Variants in PIWIL2 observed in about 807,000 individuals in gnomAD.
The protein encoded by PIWIL2 is piwi like RNA-mediated gene silencing 2.
A neutral mutation model predicts 116.5 loss-of-function variants in PIWIL2; 81 were observed. The observed-to-expected ratio is 0.70, with a 90% CI of 0.58 to 0.84. The LOEUF (loss-of-function observed/expected upper bound fraction) is 0.84. Among genes scored for constraint, PIWIL2 ranks in the 40% least tolerant of loss-of-function variants. PIWIL2 has a pLI of 0.00. For missense variants in PIWIL2, 1,272 were observed against 1,212.3 expected (o/e 1.05, Z -0.73); for synonymous variants, 489 against 429.5 (o/e 1.14, Z -1.71).
At chr8:22,321,680 C>T (rs576017921) in intron 20 of PIWIL2, among the ~76,000 whole-genome samples, 6 of 152,000 alleles carry the variant, frequency 3.9e-5, no homozygotes, top group African/African-American at 7.3e-5. Context: ...CATGTCAGCC[C>T]GGTTGACAGA....
chr8:22,315,344 C>A (rs948299049), intron 18 of PIWIL2, among the ~76,000 whole-genome samples, 199 bp downstream of exon 18: 1 of 152,132 alleles, frequency 6.6e-6, no homozygotes, highest in Non-Finnish European at 1.5e-5. Flanking sequence ...GAGACGGATT[C>A]TTGTTCTTGT....
intron 16 of PIWIL2, among the ~76,000 whole-genome samples, chr8:22,312,453 G>T (rs1831356621): frequency 6.6e-6 from 1 of 151,906 alleles, no homozygotes; most frequent in Non-Finnish European, 1.5e-5. Flanking sequence ...AATTATAGAG[G>T]TAGGGTTTCA....
At chr8:22,311,358 T>A in intron 16 of PIWIL2, 58 bp downstream of exon 16, 3 of 1,349,628 alleles carry the variant, frequency 2.2e-6, no homozygotes, top group Non-Finnish European at 2.1e-6. Context: ...CTTAAATACT[T>A]AATTTTAATG....
intron 10 of PIWIL2, among the ~76,000 whole-genome samples, chr8:22,296,533 G>A (rs1342978823): frequency 1.3e-5 from 2 of 152,184 alleles, no homozygotes; most frequent in African/African-American, 4.8e-5. Context: ...TAGTTGTCTA[G>A]TTTGATTGGG....
intron 10 of PIWIL2, among the ~76,000 whole-genome samples, chr8:22,303,350 C>G (rs1174321593): frequency 6.6e-6 from 1 of 152,170 alleles, no homozygotes; most frequent in Non-Finnish European, 1.5e-5. Flanking sequence ...TTGCAACTTT[C>G]TATGATTTGA....
At chr8:22,329,293 C>T (rs1398645528) in intron 20 of PIWIL2, among the ~76,000 whole-genome samples, 1 of 152,072 alleles carries the variant, frequency 6.6e-6, no homozygotes, top group Non-Finnish European at 1.5e-5. Flanking sequence ...TAACAAGATA[C>T]CTGAGACTGG....
intron 1 of PIWIL2, 36 bp from the exon 2 acceptor site, chr8:22,279,305 C>T (rs1830445785): frequency 2.6e-6 from 3 of 1,140,422 alleles, no homozygotes; most frequent in Admixed American, 3.5e-5. Context: ...AAAAGGAAAA[C>T]AATTGGGAAT....
intron 20 of PIWIL2, among the ~76,000 whole-genome samples, chr8:22,321,499 G>A (rs746733436): frequency 3.2e-4 from 49 of 152,054 alleles, no homozygotes; most frequent in Non-Finnish European, 4.7e-4. Context: ...GCACCTAGTG[G>A]AAGGAATCTT....
chr8:22,344,562 C>T (rs770506278), intron 20 of PIWIL2, among the ~76,000 whole-genome samples: 12 of 151,634 alleles, frequency 7.9e-5, no homozygotes, highest in African/African-American at 1.9e-4. Flanking sequence ...ATCGTATGCA[C>T]GAGGATATCT....
intron 20 of PIWIL2, among the ~76,000 whole-genome samples, chr8:22,350,903 G>A (rs1563434553): frequency 6.6e-6 from 1 of 152,134 alleles, no homozygotes; most frequent in Non-Finnish European, 1.5e-5. Context: ...TACTTTGGGA[G>A]GCCAAGGTAG....
chr8:22,302,026 C>T lies in PIWIL2; in HGVS notation c.1182-1995C>T, dbSNP rs575501436. 6.6e-5 allele frequency among the ~76,000 whole-genome samples: 10 copies of T among 152,174 alleles called. 1 individual carries two copies. Among genetic ancestry groups the T allele is most frequent in the African/African-American group, 2.2e-4 (9 of 41,534 alleles). On this transcript the variant is annotated intron_variant, in intron 10 of 22. Transcript: ENST00000356766. ...CTGATTTTTTTATTGTCTGATTTTT[C>T]ATTTTCCTTCAGTTCAAGATATTTT...
chr8:22,325,213 C>T (rs766049137), intron 20 of PIWIL2, among the ~76,000 whole-genome samples: 11 of 152,174 alleles, frequency 7.2e-5, no homozygotes, highest in African/African-American at 1.7e-4. Flanking sequence ...CTGCCCACTC[C>T]ACTTCCTTCG....
chr8:22,282,194 C>T (rs1830522781), intron 4 of PIWIL2, among the ~76,000 whole-genome samples: 1 of 147,964 alleles, frequency 6.8e-6, no homozygotes, highest in Admixed American at 6.8e-5. Flanking sequence ...GATTCTCCTG[C>T]CTCAGTGTGC....
At position 22,283,746 on chromosome 8, in the gene PIWIL2, G is replaced by C. The variant is rs558778637; in HGVS notation, c.633-416G>C. On this transcript the variant is annotated intron_variant, in intron 5 of 22. Transcript: ENST00000356766. Reference sequence around the variant, plus strand: ...TTTCTGAAGTTAGATGTGTTTGACAGTGGACATATAGCATGCAACTAATGA... The same window carrying C: ...TTTCTGAAGTTAGATGTGTTTGACACTGGACATATAGCATGCAACTAATGA... 6.5e-4 allele frequency among the ~76,000 whole-genome samples: 99 copies of C among 152,332 alleles called. 1 individual carries two copies. Among genetic ancestry groups the C allele is most frequent in the Middle Eastern group, 3.4e-3 (1 of 294 alleles).
chr8:22,312,051 C>T (rs906095857), intron 16 of PIWIL2, among the ~76,000 whole-genome samples: 1 of 151,236 alleles, frequency 6.6e-6, no homozygotes, highest in African/African-American at 2.4e-5. Flanking sequence ...GTTGCTTGAG[C>T]CCAGGAGTTT....
At chr8:22,326,136 C>G (rs1163381834) in intron 20 of PIWIL2, among the ~76,000 whole-genome samples, 3 of 152,058 alleles carry the variant, frequency 2.0e-5, no homozygotes, top group African/African-American at 7.2e-5. Flanking sequence ...GGGATATCCA[C>G]TCCCAGAGTT....
chr8:22,289,001 A>AT (rs1491049051), intron 8 of PIWIL2, among the ~76,000 whole-genome samples: 2 of 152,160 alleles, frequency 1.3e-5, no homozygotes, highest in Non-Finnish European at 2.9e-5. Flanking sequence ...GTGTGTAAAA[A>AT]TATTTGCTGG....
chr8:22,278,300 T>G (rs1449023344), intron 1 of PIWIL2, among the ~76,000 whole-genome samples: 1 of 152,066 alleles, frequency 6.6e-6, no homozygotes, highest in Non-Finnish European at 1.5e-5. Flanking sequence ...GCAGCAGATC[T>G]CTTGAGCCCA....
At chr8:22,281,231 A>G (rs752325700) in intron 3 of PIWIL2, 24 bp downstream of exon 3, 19 of 1,575,634 alleles carry the variant, frequency 1.2e-5, no homozygotes, top group Non-Finnish European at 1.6e-5. Context: ...TAACTTGAGA[A>G]ATTTGGTGGT....
Sources: allele counts gnomAD v4.1 joint callset (sites outside exome capture counted in the v4.1 genomes callset), GRCh38; gene constraint gnomAD v4.1.1; transcripts MANE v1.5; gene names NCBI Gene and HGNC (gene_info 2026-07-23, HGNC 2026-07-21).